Variants in ZNF410 observed in about 807,000 individuals in gnomAD.
ZNF410 encodes another partner for ARF 1.
A neutral mutation model predicts 54.8 loss-of-function variants in ZNF410; 18 were observed. The observed-to-expected ratio is 0.33, with a 90% confidence interval of 0.23 to 0.49. The LOEUF is 0.49. Ranked by LOEUF, ZNF410 falls within the 20% of genes least tolerant of loss-of-function variation. ZNF410 has a pLI of 0.99. For missense variants in ZNF410, 405 were observed against 569.6 expected, an observed-to-expected ratio of 0.71 and a Z score of 2.94; for synonymous variants, 191 against 207.3, an observed-to-expected ratio of 0.92 and a Z score of 0.68.
intron 8 of ZNF410, among the ~76,000 whole-genome samples, chr14:73,918,341 C>G (rs899519248): frequency 3.3e-5 from 5 of 152,182 alleles, no homozygotes; most frequent in Non-Finnish European, 7.3e-5. Context: ...CTCAAGTGAT[C>G]TACCTGCCTT....
intron 11 of ZNF410, among the ~76,000 whole-genome samples, chr14:73,925,771 C>A (rs1308512909): frequency 2.0e-5 from 3 of 152,152 alleles, no homozygotes; most frequent in Non-Finnish European, 4.4e-5. Context: ...GTGGCCCATG[C>A]CTATAATCCC....
intron 1 of ZNF410, among the ~76,000 whole-genome samples, chr14:73,887,612 T>A (rs962784625): frequency 1.3e-5 from 2 of 152,224 alleles, no homozygotes; most frequent in Non-Finnish European, 2.9e-5. Context: ...ACTTGGGACT[T>A]AAGAATTAGT....
chr14:73,887,050 C>A (rs749007546), intron 1 of ZNF410, 135 bp downstream of exon 1: 3 of 152,836 alleles, frequency 2.0e-5, no homozygotes, highest in Non-Finnish European at 2.9e-5. Context: ...GGGCATCCCT[C>A]CTGGATCTGG....
Position 73,931,577 on chromosome 14 carries a change from T to G in ZNF410, c.*36T>G. 1 of 1,603,476 alleles carries G rather than the reference T, an allele frequency of 6.2e-7. No individual in the cohort carries two copies. Among genetic ancestry groups the G allele is most frequent in the South Asian group, 1.1e-5 (1 of 90,264 alleles). On this transcript the variant is annotated 3_prime_UTR_variant, in exon 12 of 12. Transcript: ENST00000555044. ...TGACTCCTGGAAGAGCAACTCTATC[T>G]GATCTCAAAATGCGTATACTGGGAA...
chr14:73,887,301 G>C (rs2055158118), intron 1 of ZNF410: 1 of 152,330 alleles, frequency 6.6e-6, no homozygotes, highest in Non-Finnish European at 1.5e-5. Flanking sequence ...GTGGGGTAGA[G>C]GATGCCAGGA....
intron 8 of ZNF410, among the ~76,000 whole-genome samples, chr14:73,910,463 GC>G (rs1484460054): frequency 6.6e-6 from 1 of 152,148 alleles, no homozygotes; most frequent in Admixed American, 6.6e-5. Context: ...CATGGTAGTG[GC>G]CTGGCGTGGT....
chr14:73,897,934 T>G, intron 4 of ZNF410, 137 bp from the exon 5 acceptor site: 1 of 762,584 alleles, frequency 1.3e-6, no homozygotes, highest in Non-Finnish European at 2.0e-6. Context: ...ATTGCGCCAC[T>G]GCACTCCAGC....
In ZNF410 at chr14:73,898,079, T is replaced by C. The variant is rs2055350198; in HGVS notation, c.397T>C (p.Ser133Pro). The C allele has an allele frequency of 6.2e-7, 1 of 1,612,754 alleles. No homozygotes were observed. The highest frequency in any genetic ancestry group is 1.3e-5 in the African/African-American group (1 of 74,820). Residue 133 changes from serine (S) to proline (P), a missense_variant, in exon 5 of 12, where the codon TCT becomes CCT. Physicochemically the swap from Ser to Pro is moderately conservative, Grantham distance 74. Around this residue, in one of 3 missense-constraint regions of ZNF410, gnomAD observed 247 missense variants for 342.8 expected, o/e 0.72. Transcript: ENST00000555044. ...LLNLTRAGLGSSAEHLVFVQD... is the reference protein window; with the variant it reads ...LLNLTRAGLGPSAEHLVFVQD... The stretch of plus-strand genomic sequence containing the variant: ...TATTTTGTTTCTTCCAGGTCTGGGC[T>C]CTTCAGCTGAGCACTTAGTGTTTGT...
intron 11 of ZNF410, among the ~76,000 whole-genome samples, chr14:73,930,423 A>T (rs920961348): frequency 1.2e-4 from 19 of 152,162 alleles, no homozygotes; most frequent in Non-Finnish European, 8.8e-5. Flanking sequence ...TCAGCCTCCC[A>T]AAGTGGTGGG....
intron 8 of ZNF410, 148 bp from the exon 9 acceptor site, chr14:73,920,832 A>C: frequency 1.0e-6 from 1 of 963,372 alleles, no homozygotes; most frequent in Non-Finnish European, 1.5e-6. Flanking sequence ...CCATATACTG[A>C]AGTTTGAGAG....
intron 8 of ZNF410, among the ~76,000 whole-genome samples, chr14:73,918,276 T>C (rs1358016402): frequency 6.6e-6 from 1 of 152,116 alleles, no homozygotes; most frequent in African/African-American, 2.4e-5. Flanking sequence ...CTAATTTTTA[T>C]ATTTTTAGTA....
intron 5 of ZNF410, 26 bp from the exon 6 acceptor site, chr14:73,903,934 A>G: frequency 6.2e-7 from 1 of 1,613,550 alleles, no homozygotes; most frequent in Non-Finnish European, 8.5e-7. Context: ...CTTTCCCTGG[A>G]TTACAAATAT....
At chr14:73,909,524 A>T (rs1373185154) in intron 8 of ZNF410, 94 bp downstream of exon 8, 1 of 996,136 alleles carries the variant, frequency 1.0e-6, no homozygotes. Context: ...AAAAAGAAAC[A>T]AACTGTTCAC....
intron 1 of ZNF410, among the ~76,000 whole-genome samples, chr14:73,889,431 CA>C (rs11330316): frequency 0.16 from 13,384 of 84,878 alleles, 340 homozygotes; most frequent in Admixed American, 0.21. Flanking sequence ...GACTCAGTCT[CA>C]AAAAAAAAAA....
At chr14:73,901,962 A>G (rs1233885072) in intron 5 of ZNF410, among the ~76,000 whole-genome samples, 6 of 151,834 alleles carry the variant, frequency 4.0e-5, no homozygotes, top group African/African-American at 1.5e-4. Flanking sequence ...AATTTAAAAG[A>G]AAAAAGCATG....
intron 8 of ZNF410, among the ~76,000 whole-genome samples, chr14:73,917,066 A>G (rs537632447): frequency 6.6e-6 from 1 of 152,374 alleles, no homozygotes; most frequent in Non-Finnish European, 1.5e-5. Flanking sequence ...AAAGAAAATA[A>G]TTGGTTCATG....
At chr14:73,892,579 G>T (rs974310022) in intron 2 of ZNF410, among the ~76,000 whole-genome samples, 1 of 151,820 alleles carries the variant, frequency 6.6e-6, no homozygotes, top group Non-Finnish European at 1.5e-5. Flanking sequence ...ATATATATCT[G>T]TAAGTATTTT....
intron 1 of ZNF410, among the ~76,000 whole-genome samples, chr14:73,887,783 G>C (rs1304465512): frequency 1.3e-5 from 2 of 152,208 alleles, no homozygotes; most frequent in Admixed American, 6.5e-5. Flanking sequence ...GAAGTTTTAA[G>C]TTCTAGTTTT....
At chr14:73,924,605 A>G (rs2055801019) in intron 11 of ZNF410, 1 of 411,964 alleles carries the variant, frequency 2.4e-6, no homozygotes, top group African/African-American at 2.1e-5. Context: ...ACTTTTGTCA[A>G]AACCTCTGTA....
Sources: allele counts gnomAD v4.1 joint callset (sites outside exome capture counted in the v4.1 genomes callset), GRCh38; gene constraint gnomAD v4.1.1; regional missense constraint gnomAD v4.1.1; transcripts MANE v1.5; gene names NCBI Gene and HGNC (gene_info 2026-07-23, HGNC 2026-07-21).